MYO1A: variants seen among roughly 807,000 people sequenced by gnomAD.
MYO1A encodes the protein myosin IA.
Under a neutral mutation model 138.5 loss-of-function variants are expected in MYO1A, and 127 were observed. The observed-to-expected ratio is 0.92, with a 90% CI of 0.79 to 1.06. MYO1A has a LOEUF of 1.06. Among genes scored for constraint, MYO1A ranks in the 50% least tolerant of loss-of-function variants. MYO1A has a pLI of 0.00. For synonymous variants in MYO1A, 477 were observed against 497.5 expected (o/e 0.96, Z 0.55); for missense variants, 1,211 against 1,288.8 (o/e 0.94, Z 0.92).
In MYO1A at chr12:57,038,984, A is replaced by G. The variant is rs767546826; in HGVS notation, c.1358T>C (p.Leu453Ser). 1.2e-6 allele frequency: 2 copies of G among 1,614,092 alleles called. No homozygotes were observed. Among genetic ancestry groups the G allele is most frequent in the Non-Finnish European group, 8.5e-7 (1 of 1,180,002 alleles). Reference sequence around the variant, plus strand: ...CCCAGGCCGCAGGCACTCCTCATCCAACATGGCCAGGATACCTCGCTGATT... The same window carrying G: ...CCCAGGCCGCAGGCACTCCTCATCCGACATGGCCAGGATACCTCGCTGATT... ...EHNQRGILAMLDEECLRPGVV... is the reference protein window; with the variant it reads ...EHNQRGILAMSDEECLRPGVV... Residue 453 changes from leucine to serine, a missense_variant, in exon 16 of 28, where the codon TTG (leucine) becomes TCG (serine). By Grantham distance (145) the Leu-to-Ser change is moderately radical. Transcript: ENST00000300119.
At position 57,039,018 on chromosome 12, in the gene MYO1A, G is replaced by A; in HGVS notation, c.1333-9C>T. 1.2e-6 allele frequency: 2 copies of A among 1,611,768 alleles called. No homozygotes were observed. Among genetic ancestry groups the A allele is most frequent in the Non-Finnish European group, 1.7e-6 (2 of 1,178,850 alleles). ...AGGATACCTCGCTGATTCTGGGCCG[G>A]GGGAACAAAAGAAGCCCAACCTAAA... On this transcript the variant is annotated splice_polypyrimidine_tract_variant and intron_variant, in intron 15 of 27. Coordinates refer to ENST00000300119, the MANE Select transcript of MYO1A (RefSeq NM_005379.4).
Position 57,037,659 on chromosome 12 carries a change from A to T in MYO1A, c.1962-18T>A, listed in dbSNP as rs1383766376. On this transcript the variant is annotated intron_variant, in intron 18 of 27. Coordinates refer to ENST00000300119, the MANE Select transcript of MYO1A (RefSeq NM_005379.4). ...CACCTTCCCTATGGAAGCAAATGAC[A>T]GAAAGCTGCAGAGGGGTATCTCAGG... is the stretch of plus-strand genomic sequence containing the variant. 6.2e-7 allele frequency: 1 copy of T among 1,610,052 alleles called. No individual in the cohort carries two copies. Among genetic ancestry groups the T allele is most frequent in the East Asian group, 2.2e-5 (1 of 44,854 alleles).
chr12:57,042,958 C>G (rs923004563), intron 12 of MYO1A, 114 bp downstream of exon 12: 4 of 976,962 alleles, frequency 4.1e-6, no homozygotes, highest in Non-Finnish European at 6.5e-6. Context: ...GAACTGTACC[C>G]TCCCCATCAT....
rs779303634 is a variant in MYO1A, at chr12:57,047,095, G to A, written c.443C>T (p.Ala148Val). The change falls in exon 6 of 28, where the codon GCC becomes GTC. Residue 148 changes from alanine to valine, a missense_variant. By Grantham distance (64) the Ala-to-Val change is moderately conservative. Transcript: ENST00000300119. ...SNPVLEAFGN[A>V]KTIRNNNSSR... ...GGAATTGTTGTTGCGAATGGTCTTG[G>A]CATTGCCAAAAGCTACAGAGATGAG... 3 of 1,614,150 alleles carry A rather than the reference G, an allele frequency of 1.9e-6. No homozygotes were observed. Among genetic ancestry groups the A allele is most frequent in the South Asian group, 1.1e-5 (1 of 91,082 alleles).
In MYO1A at chr12:57,043,237, T is replaced by C; in HGVS notation, c.1011+3A>G. ...GCCCCCTCCACTCCAGTGAGCTCCT[T>C]ACCTGCATAACATTCAGTGCAGTGA... is the stretch of plus-strand genomic sequence containing the variant. On this transcript the variant is annotated splice_donor_region_variant and intron_variant, in intron 11 of 27. Transcript: ENST00000300119. The C allele has an allele frequency of 6.2e-7, 1 of 1,614,080 alleles. No homozygotes were observed. Among genetic ancestry groups the C allele is most frequent in the Non-Finnish European group, 8.5e-7 (1 of 1,179,910 alleles).
chr12:57,047,375 C>G lies in MYO1A; in HGVS notation c.358G>C (p.Ala120Pro). ...ACCTGCTCTCCTTTCCCACAGACGG[C>G]AGCCACATAAGACATCACCAGCTTG... ...ASKLVMSYVA[A>P]VCGKGEQVNS... Residue 120 changes from alanine (A) to proline (P), a missense_variant, in exon 5 of 28, where the codon GCC (alanine) becomes CCC (proline). Physicochemically the swap from Ala to Pro is conservative, Grantham distance 27. Transcript: ENST00000300119. The G allele has an allele frequency of 4.3e-6, 7 of 1,614,172 alleles. No homozygotes were observed. Among genetic ancestry groups the G allele is most frequent in the Non-Finnish European group, 5.9e-6 (7 of 1,180,024 alleles).
At chr12:57,029,005 C>T in intron 27 of MYO1A, 124 bp from the exon 28 acceptor site, 2 of 1,594,464 alleles carry the variant, frequency 1.3e-6, no homozygotes, top group South Asian at 1.1e-5. Flanking sequence ...TGGGTGGGGG[C>T]CTGAGAAACA....
chr12:57,049,527 G>A (rs1406564001), intron 1 of MYO1A, among the ~76,000 whole-genome samples: 2 of 152,200 alleles, frequency 1.3e-5, no homozygotes, highest in Non-Finnish European at 2.9e-5. Context: ...CACAACTGAG[G>A]AAGCAATAAG....
At position 57,034,155 on chromosome 12, in the gene MYO1A, A is replaced by G. The variant is rs2030420525; in HGVS notation, c.2349+2152T>C. ...CCATGGGTTGCCCAAGCCTCTATTG[A>G]TGAGGGGCAGTCTTAGGCAGTGGTT... On this transcript the variant is annotated intron_variant, in intron 22 of 27. Transcript: ENST00000300119. Among the ~76,000 whole-genome samples the G allele has an allele frequency of 2.0e-5, 3 of 152,134 alleles. No individual in the cohort carries two copies. In the South Asian group the frequency reaches 6.2e-4, roughly 32 times the overall value.
At chr12:57,042,422 A>G (rs960968576) in intron 12 of MYO1A, among the ~76,000 whole-genome samples, 2 of 152,168 alleles carry the variant, frequency 1.3e-5, no homozygotes, top group African/African-American at 2.4e-5. Context: ...CTTTTTGGCT[A>G]TTACAAATAA....
chr12:57,041,159 G>T (rs749940088), intron 14 of MYO1A, 25 bp downstream of exon 14: 1 of 1,563,138 alleles, frequency 6.4e-7, no homozygotes, highest in South Asian at 1.1e-5. Context: ...GTTTAAGAGG[G>T]GGAAGTAGAA....
Position 57,047,415 on chromosome 12 carries a change from G to C in MYO1A, c.326-8C>G. 6.2e-7 allele frequency: 1 copy of C among 1,613,626 alleles called. No individual in the cohort carries two copies. The highest frequency in any genetic ancestry group is 2.2e-5 in the East Asian group (1 of 44,864). ...TCACCAGCTTGCTGGCCTCTGTGCA[G>C]GCAAAACGCTCTCATGGGTCCCCAC... On this transcript the variant is annotated splice_polypyrimidine_tract_variant and splice_region_variant and intron_variant, in intron 4 of 27. Transcript: ENST00000300119.
At position 57,038,484 on chromosome 12, in the gene MYO1A, G is replaced by A. The variant is rs533348829; in HGVS notation, c.1688C>T (p.Ala563Val). 8 of 1,614,116 alleles carry A rather than the reference G, an allele frequency of 5.0e-6. No homozygotes were observed. The highest frequency in any genetic ancestry group is 6.8e-6 in the Non-Finnish European group (8 of 1,180,058). The change falls in exon 17 of 28, where the codon GCT (alanine) becomes GTT (valine). Residue 563 changes from alanine (A) to valine (V), a missense_variant. Coordinates refer to ENST00000300119, the MANE Select transcript of MYO1A (RefSeq NM_005379.4). ...CACAGAACTCTTGAACTGGGCCCCA[G>A]CAGTCGGGGGGCGTTTGAGAGATGC... ...KQASLKRPPT[A>V]GAQFKSSVAI...
chr12:57,047,578 A>C (rs2031162525), intron 4 of MYO1A, 49 bp downstream of exon 4: 3 of 1,592,928 alleles, frequency 1.9e-6, no homozygotes, highest in Non-Finnish European at 2.6e-6. Context: ...AGAGACAAGG[A>C]AGCAGTTCCA....
At chr12:57,037,758 T>C (rs2030631753) in intron 18 of MYO1A, 111 bp downstream of exon 18, 5 of 1,491,642 alleles carry the variant, frequency 3.4e-6, no homozygotes, top group East Asian at 2.3e-5. Context: ...TTTCTCAAAG[T>C]ATCCATTCAC....
intron 25 of MYO1A, 64 bp from the exon 26 acceptor site, chr12:57,029,651 G>C (rs2030170992): frequency 6.2e-7 from 1 of 1,613,858 alleles, no homozygotes; most frequent in Admixed American, 1.7e-5. Flanking sequence ...CACCTGGCAG[G>C]GCGCAAACAC....
At position 57,029,746 on chromosome 12, in the gene MYO1A, A is replaced by G. The variant is rs886049695; in HGVS notation, c.2718T>C (p.Asn906=). ...AEAVKKVNRG[N]GKTSSRILLL... ...TCAGCCTGCAGGCCCTTACCTTGCC[A>G]TTGCCACGATTGACCTTCTTCACGG... The change falls in exon 25 of 28, where the codon AAT becomes AAC. Residue 906 remains asparagine (N), a synonymous_variant. Transcript: ENST00000300119. 3.1e-6 allele frequency: 5 copies of G among 1,614,008 alleles called. No individual in the cohort carries two copies. The African/African-American group carries it at 4.0e-5, about 13-fold the overall frequency.
At chr12:57,045,093 T>C (rs955343883) in intron 8 of MYO1A, among the ~76,000 whole-genome samples, 1 of 152,190 alleles carries the variant, frequency 6.6e-6, no homozygotes, top group South Asian at 2.1e-4. Flanking sequence ...CCAGCCCATA[T>C]CATATGGGCT....
Position 57,038,630 on chromosome 12 carries a change from G to T in MYO1A, c.1542C>A (p.Tyr514Ter), listed in dbSNP as rs764983499. Residue 514 changes from tyrosine (Y) to a stop codon, truncating the protein, a stop_gained, in exon 17 of 28, where the codon TAC (tyrosine) becomes TAA (stop). Coordinates refer to ENST00000300119, the MANE Select transcript of MYO1A (RefSeq NM_005379.4). LOFTEE classifies it high-confidence loss of function. ...RICHYAGKVT[Y>*]NVTSFIDKNN... ...TCTTGTCAATAAAGCTGGTCACGTT[G>T]TATGTCACCTGTAAAGGAGCAGCTA... The T allele has an allele frequency of 6.2e-7, 1 of 1,614,196 alleles. No homozygotes were observed. The highest frequency in any genetic ancestry group is 8.5e-7 in the Non-Finnish European group (1 of 1,180,022).
Sources: gnomAD v4.1 joint callset for allele counts (sites outside exome capture counted in the v4.1 genomes callset) on GRCh38, gnomAD v4.1.1 for gene constraint, MANE v1.5 for transcripts, NCBI Gene and HGNC (gene_info 2026-07-23, HGNC 2026-07-21) for gene names.